Variants in DPP6 observed in about 807,000 individuals in gnomAD.
DPP6 encodes A-type potassium channel modulatory protein DPP6.
Under a neutral mutation model 122.6 loss-of-function variants are expected in DPP6, and 69 were observed. That is an observed-to-expected ratio of 0.56 (90% confidence interval 0.46 to 0.69). DPP6 has a LOEUF of 0.69. Ranked by LOEUF, DPP6 falls within the 30% of genes least tolerant of loss-of-function variation. DPP6 has a pLI of 0.00. For synonymous variants in DPP6, 418 were observed against 433.1 expected, an observed-to-expected ratio of 0.97 and a Z score of 0.43; for missense variants, 928 against 1,116.9, an observed-to-expected ratio of 0.83 and a Z score of 2.41.
chr7:154,482,118 A>G (rs1448634528), intron 3 of DPP6, among the ~76,000 whole-genome samples: 1 of 152,240 alleles, frequency 6.6e-6, no homozygotes, highest in East Asian at 1.9e-4. Flanking sequence ...GGTGAGGATC[A>G]TGCAGATGAG....
the DPP6 span, among the ~76,000 whole-genome samples, chr7:153,806,063 T>G: frequency 2.6e-5 from 4 of 151,800 alleles, no homozygotes; most frequent in Non-Finnish European, 4.4e-5. Context: ...TGAGGGAAGA[T>G]CACATATCTG....
upstream of DPP6, among the ~76,000 whole-genome samples, chr7:153,886,209 G>A (rs1006713626): frequency 3.0e-4 from 45 of 152,052 alleles, no homozygotes; most frequent in African/African-American, 1.1e-3. Flanking sequence ...GGGTGGGTCT[G>A]CATATGAATT....
At chr7:153,859,205 G>A in the DPP6 span, among the ~76,000 whole-genome samples, 17 of 152,314 alleles carry the variant, frequency 1.1e-4, 1 homozygote, top group African/African-American at 4.1e-4. Context: ...AGGACCCTGA[G>A]GCAGGGCTGG....
Position 154,384,132 on chromosome 7 carries a change from A to C in DPP6, c.244-62082A>C, listed in dbSNP as rs373264568. Among the ~76,000 whole-genome samples the C allele has an allele frequency of 2.3e-4, 35 of 152,200 alleles. 1 individual carries two copies. The South Asian group carries it at 4.4e-3, about 19-fold the overall frequency. The stretch of plus-strand genomic sequence containing the variant: ...CACCATCATCCTCATTTGATGGTCG[A>C]GACTGGAGCGCTAAGAGCGTTGGTG... On this transcript the variant is annotated intron_variant, in intron 1 of 25. Coordinates refer to ENST00000377770, the MANE Select transcript of DPP6 (RefSeq NM_130797.4).
At chr7:154,869,046 G>A (rs1315198723) in intron 18 of DPP6, among the ~76,000 whole-genome samples, 1 of 152,214 alleles carries the variant, frequency 6.6e-6, no homozygotes, top group African/African-American at 2.4e-5. Context: ...GATAGTAACT[G>A]CAGGAGCTCT....
At chr7:154,780,211 T>A (rs1796936894) in intron 10 of DPP6, among the ~76,000 whole-genome samples, 1 of 152,176 alleles carries the variant, frequency 6.6e-6, no homozygotes, top group Non-Finnish European at 1.5e-5. Flanking sequence ...ACTAGAGAAA[T>A]GCCGGATCTT....
chr7:154,303,233 C>T (rs1442427886), intron 1 of DPP6, among the ~76,000 whole-genome samples: 1 of 152,216 alleles, frequency 6.6e-6, no homozygotes, highest in South Asian at 2.1e-4. Flanking sequence ...CTGCGCTGGT[C>T]TACTTTAAGG....
At chr7:153,920,629 C>T (rs185934384) in intron 1 of DPP6, among the ~76,000 whole-genome samples, 8 of 125,514 alleles carry the variant, frequency 6.4e-5, no homozygotes, top group East Asian at 2.7e-4. Context: ...GGCGGGATCT[C>T]GGCTCACTGC....
rs149772546 is a variant in DPP6, at chr7:154,083,848, T to C, written c.243+30785T>C. On this transcript the variant is annotated intron_variant, in intron 1 of 25. Coordinates refer to ENST00000377770, the MANE Select transcript of DPP6 (RefSeq NM_130797.4). ...ATTAAGACAGGCATGGATATTTCCA[T>C]GTTCTTCCTGAATCACAGGTATTGA... 6.6e-3 allele frequency among the ~76,000 whole-genome samples: 998 copies of C among 150,894 alleles called. 12 individuals carry two copies. Among genetic ancestry groups the C allele is most frequent in the African/African-American group, 0.022 (905 of 40,526 alleles).
At chr7:154,295,743 A>G (rs1409228817) in intron 1 of DPP6, among the ~76,000 whole-genome samples, 1 of 152,050 alleles carries the variant, frequency 6.6e-6, no homozygotes, top group African/African-American at 2.4e-5. Context: ...TTTTGGCAAA[A>G]CACATTCTTT....
intron 4 of DPP6, among the ~76,000 whole-genome samples, chr7:154,553,792 A>C (rs1173894640): frequency 6.6e-6 from 1 of 151,728 alleles, no homozygotes; most frequent in Non-Finnish European, 1.5e-5. Context: ...CACTGTGTTC[A>C]TATCTGTGAG....
At chr7:154,057,325 A>G (rs951493668) in intron 1 of DPP6, 7 of 155,112 alleles carry the variant, frequency 4.5e-5, no homozygotes, top group African/African-American at 1.8e-4. Context: ...TGTGACCCCC[A>G]TCACAGGGTG....
At chr7:154,779,524 A>G (rs902084336) in intron 10 of DPP6, among the ~76,000 whole-genome samples, 9 of 152,250 alleles carry the variant, frequency 5.9e-5, no homozygotes, top group Non-Finnish European at 1.0e-4. Context: ...AATTAGTAGT[A>G]GAACCAGGAC....
the DPP6 span, among the ~76,000 whole-genome samples, chr7:153,849,633 A>G: frequency 1.1e-4 from 17 of 152,310 alleles, no homozygotes; most frequent in East Asian, 3.3e-3. Flanking sequence ...AAGTTTTCCT[A>G]CTGGCTTTTG....
At chr7:153,905,770 T>G (rs1251791931) in intron 1 of DPP6, among the ~76,000 whole-genome samples, 2 of 152,198 alleles carry the variant, frequency 1.3e-5, no homozygotes, top group Non-Finnish European at 2.9e-5. Context: ...GGTGTAAGGA[T>G]GTGCTCTTGA....
intron 3 of DPP6, among the ~76,000 whole-genome samples, chr7:154,489,882 C>T (rs1044460522): frequency 4.0e-5 from 6 of 149,988 alleles, no homozygotes; most frequent in Non-Finnish European, 7.3e-5. Flanking sequence ...TTTCCCCAAA[C>T]GAAAGATACG....
At chr7:154,469,140 T>C (rs1822038379) in intron 2 of DPP6, among the ~76,000 whole-genome samples, 1 of 152,072 alleles carries the variant, frequency 6.6e-6, no homozygotes, top group Non-Finnish European at 1.5e-5. Flanking sequence ...AGCAAATAAC[T>C]AGTTCATTGA....
intron 8 of DPP6, among the ~76,000 whole-genome samples, chr7:154,765,330 G>C (rs1795828332): frequency 6.6e-6 from 1 of 152,136 alleles, no homozygotes; most frequent in South Asian, 2.1e-4. Flanking sequence ...CTCAGCATCT[G>C]TATAAGCAGC....
At chr7:154,358,720 T>C (rs1174331670) in intron 1 of DPP6, among the ~76,000 whole-genome samples, 1 of 152,198 alleles carries the variant, frequency 6.6e-6, no homozygotes. Context: ...TCTTCTTTTG[T>C]TTTGAGATGA....
Sources: gnomAD v4.1 joint callset for allele counts (sites outside exome capture counted in the v4.1 genomes callset) on GRCh38, gnomAD v4.1.1 for gene constraint, MANE v1.5 for transcripts, NCBI Gene and HGNC (gene_info 2026-07-23, HGNC 2026-07-21) for gene names.